HSPBAP1: variants seen among roughly 807,000 people sequenced by gnomAD.
HSPBAP1 encodes the protein HSPB1 associated protein 1.
HSPBAP1 carries 27 observed loss-of-function variants against 45.2 expected under a neutral mutation model. The observed-to-expected ratio is 0.60, with a 90% CI of 0.44 to 0.82. The LOEUF (loss-of-function observed/expected upper bound fraction) is 0.82. Ranked by LOEUF, HSPBAP1 falls within the 40% of genes least tolerant of loss-of-function variation. HSPBAP1 has a pLI of 0.00. For missense variants in HSPBAP1, 510 were observed against 590.9 expected (o/e 0.86, Z 1.42); for synonymous variants, 204 against 202.7 (o/e 1.01, Z -0.06).
At chr3:122,782,668 T>C (rs1177156575) in intron 1 of HSPBAP1, among the ~76,000 whole-genome samples, 1 of 152,188 alleles carries the variant, frequency 6.6e-6, no homozygotes, top group Admixed American at 6.5e-5. Context: ...AAAATATATA[T>C]TTATGATTCT....
At position 122,740,184 on chromosome 3, in the gene HSPBAP1, G is replaced by C; in HGVS notation, c.*161C>G. On this transcript the variant is annotated 3_prime_UTR_variant, in exon 8 of 8. Transcript: ENST00000306103. ...AGCCAGTTTGGCCAAAGAGGAATGT[G>C]CATGAAAGAAGGTGGCAACAGACTG... The C allele has an allele frequency of 2.3e-6, 1 of 442,684 alleles. No individual in the cohort carries two copies. The highest frequency in any genetic ancestry group is 3.8e-6 in the Non-Finnish European group (1 of 261,232). 27.4% of individuals were successfully genotyped at this position (442,684 alleles called of 1,614,324 possible).
chr3:122,793,701 T>C lies in HSPBAP1; in HGVS notation c.-21A>G. ...GCCATGGCTACCGCAAGGCGGGTTC[T>C]GCCGGAACCCAAGGCGGAGCGGAGC... On this transcript the variant is annotated 5_prime_UTR_variant, in exon 1 of 8. Transcript: ENST00000306103. The C allele has an allele frequency of 6.2e-7, 1 of 1,612,690 alleles. No individual in the cohort carries two copies. Among genetic ancestry groups the C allele is most frequent in the Non-Finnish European group, 8.5e-7 (1 of 1,179,158 alleles).
At chr3:122,770,151 T>C (rs1455522657) in intron 2 of HSPBAP1, among the ~76,000 whole-genome samples, 2 of 152,196 alleles carry the variant, frequency 1.3e-5, no homozygotes, top group African/African-American at 4.8e-5. Flanking sequence ...CCAATAATCT[T>C]TTTCCTTTAC....
At position 122,740,497 on chromosome 3, in the gene HSPBAP1, T is replaced by C; in HGVS notation, c.1315A>G (p.Asn439Asp). 1.9e-6 allele frequency: 3 copies of C among 1,614,222 alleles called. No individual in the cohort carries two copies. Among genetic ancestry groups the C allele is most frequent in the Non-Finnish European group, 2.5e-6 (3 of 1,180,038 alleles). The change falls in exon 8 of 8, where the codon AAC becomes GAC. Residue 439 changes from asparagine to aspartate, a missense_variant. Coordinates refer to ENST00000306103, the MANE Select transcript of HSPBAP1 (RefSeq NM_024610.6). ...TGTTCCTCAATTGCATTTTCACTGT[T>C]GCTCATTATTTGTTGTCTCTTGGCA... ...HCAKRQQIMSNSENAIEEQIA... is the reference protein window; with the variant it reads ...HCAKRQQIMSDSENAIEEQIA...
At position 122,790,731 on chromosome 3, in the gene HSPBAP1, C is replaced by T. The variant is rs545677654; in HGVS notation, c.64+2886G>A. Among the ~76,000 whole-genome samples the T allele has an allele frequency of 1.2e-4, 18 of 152,256 alleles. No individual in the cohort carries two copies. In the South Asian group the frequency reaches 2.9e-3, roughly 25 times the overall value. On this transcript the variant is annotated intron_variant, in intron 1 of 7. Coordinates refer to ENST00000306103, the MANE Select transcript of HSPBAP1 (RefSeq NM_024610.6). ...GCACAGTGGCTTATGCCTGAAATCCCAGTGCTCTGGGAGGCTGAGGTGGGA... is the reference window on the plus strand; with the variant it reads ...GCACAGTGGCTTATGCCTGAAATCCTAGTGCTCTGGGAGGCTGAGGTGGGA...
At position 122,740,791 on chromosome 3, in the gene HSPBAP1, C is replaced by A; in HGVS notation, c.1021G>T (p.Val341Leu). 2.5e-6 allele frequency: 4 copies of A among 1,614,064 alleles called. No homozygotes were observed. Among genetic ancestry groups the A allele is most frequent in the Non-Finnish European group, 3.4e-6 (4 of 1,180,032 alleles). ...GTTCTCAGTGCTTGGATTTCTACTA[C>A]CTCAGATGTTCTGCAGCGATCAAAA... ...AFFDRCRTSEVVEIQALRTDG... is the reference protein window; with the variant it reads ...AFFDRCRTSELVEIQALRTDG... Residue 341 changes from valine (V) to leucine (L), a missense_variant, in exon 8 of 8, where the codon GTA (valine) becomes TTA (leucine). Physicochemically the swap from Val to Leu is conservative, Grantham distance 32 (BLOSUM62 1). Transcript: ENST00000306103.
intron 3 of HSPBAP1, among the ~76,000 whole-genome samples, chr3:122,766,589 C>T (rs1318286507): frequency 1.3e-5 from 2 of 152,186 alleles, no homozygotes; most frequent in Non-Finnish European, 2.9e-5. Flanking sequence ...ACAGTACTGC[C>T]TTGCCTGGGG....
chr3:122,761,316 T>C (rs1044325517), intron 3 of HSPBAP1, among the ~76,000 whole-genome samples: 5 of 152,126 alleles, frequency 3.3e-5, no homozygotes, highest in African/African-American at 1.2e-4. Context: ...TTATATATAC[T>C]TTCAAAGAGG....
At chr3:122,750,619 A>G (rs966071488) in intron 6 of HSPBAP1, among the ~76,000 whole-genome samples, 5 of 152,188 alleles carry the variant, frequency 3.3e-5, no homozygotes. Flanking sequence ...GACACCCAGG[A>G]GCAATGAACA....
chr3:122,743,395 C>T (rs1369198801), intron 6 of HSPBAP1, among the ~76,000 whole-genome samples: 4 of 152,100 alleles, frequency 2.6e-5, no homozygotes, highest in Non-Finnish European at 4.4e-5. Context: ...GGAGAAACCC[C>T]GTCTCTACTA....
chr3:122,778,520 T>A (rs1264724706), intron 1 of HSPBAP1, among the ~76,000 whole-genome samples: 11 of 98,456 alleles, frequency 1.1e-4, no homozygotes, highest in South Asian at 3.2e-4. Flanking sequence ...TTCTTTTTTT[T>A]TTATTTTTTT....
At chr3:122,741,434 C>T in intron 6 of HSPBAP1, 2 of 274,406 alleles carry the variant, frequency 7.3e-6, no homozygotes, top group Middle Eastern at 1.4e-3. Context: ...TTTAAAGTAC[C>T]ACATACAGAG....
At chr3:122,757,505 C>T (rs1934397358) in intron 4 of HSPBAP1, among the ~76,000 whole-genome samples, 1 of 152,150 alleles carries the variant, frequency 6.6e-6, no homozygotes, top group South Asian at 2.1e-4. Flanking sequence ...ACTTTTTAGT[C>T]CCACAGCTCT....
At chr3:122,766,552 G>A (rs775939580) in intron 3 of HSPBAP1, among the ~76,000 whole-genome samples, 5 of 152,170 alleles carry the variant, frequency 3.3e-5, no homozygotes, top group African/African-American at 9.7e-5. Flanking sequence ...CTTTATATCC[G>A]CACTTAATGG....
chr3:122,744,977 T>A (rs1933795081), intron 6 of HSPBAP1, among the ~76,000 whole-genome samples: 2 of 151,954 alleles, frequency 1.3e-5, no homozygotes, highest in Admixed American at 6.6e-5. Context: ...TTCAACAAAA[T>A]TCAATACCTT....
intron 1 of HSPBAP1, among the ~76,000 whole-genome samples, chr3:122,783,075 G>C (rs1451226197): frequency 6.6e-6 from 1 of 152,172 alleles, no homozygotes; most frequent in Non-Finnish European, 1.5e-5. Flanking sequence ...GAAGGGAAAG[G>C]CAGAAGACTC....
At chr3:122,754,681 A>G (rs1028412308) in intron 5 of HSPBAP1, 1 of 985,278 alleles carries the variant, frequency 1.0e-6, no homozygotes, top group Admixed American at 6.1e-5. Flanking sequence ...TTAATGAAAT[A>G]TCAGACAGCA....
intron 1 of HSPBAP1, among the ~76,000 whole-genome samples, chr3:122,780,609 C>T (rs1245940392): frequency 2.0e-5 from 3 of 147,144 alleles, no homozygotes. Flanking sequence ...GGGGGCTGAC[C>T]CCCCCACATC....
At chr3:122,787,975 A>G (rs1935705148) in intron 1 of HSPBAP1, among the ~76,000 whole-genome samples, 1 of 152,172 alleles carries the variant, frequency 6.6e-6, no homozygotes, top group Non-Finnish European at 1.5e-5. Flanking sequence ...AACCCTTTGA[A>G]TTTCAAGGTC....
Sources: gnomAD v4.1 joint callset for allele counts (sites outside exome capture counted in the v4.1 genomes callset) on GRCh38, gnomAD v4.1.1 for gene constraint, MANE v1.5 for transcripts, NCBI Gene and HGNC (gene_info 2026-07-23, HGNC 2026-07-21) for gene names.